The following LRRC49 variants were observed in gnomAD, a reference collection of about 807,000 sequenced individuals.
The protein encoded by LRRC49 is leucine-rich repeat-containing protein 49.
In LRRC49, 50 loss-of-function variants were observed where a neutral mutation model predicts 83.3. The observed-to-expected ratio is 0.60, with a 90% CI of 0.48 to 0.76. LRRC49 has a LOEUF of 0.76. Ranked by LOEUF, LRRC49 falls within the 30% of genes least tolerant of loss-of-function variation. The pLI, the probability that LRRC49 is intolerant of heterozygous loss-of-function variation, is 0.00. For synonymous variants in LRRC49, 286 were observed against 283.3 expected (o/e 1.01, Z -0.10); for missense variants, 704 against 809.1 (o/e 0.87, Z 1.58).
chr15:70,885,253 A>G (rs1412611877), intron 2 of LRRC49, among the ~76,000 whole-genome samples: 2 of 152,218 alleles, frequency 1.3e-5, no homozygotes, highest in Non-Finnish European at 2.9e-5. Context: ...AGAAAATGTC[A>G]TAACAGACAT....
At chr15:71,041,201 G>A (rs2039691063) in intron 15 of LRRC49, among the ~76,000 whole-genome samples, 1 of 152,152 alleles carries the variant, frequency 6.6e-6, no homozygotes, top group African/African-American at 2.4e-5. Flanking sequence ...CAAGTTTGAG[G>A]TAATTTGTTA....
At chr15:71,030,096 T>A (rs1263619615) in intron 14 of LRRC49, among the ~76,000 whole-genome samples, 1 of 152,242 alleles carries the variant, frequency 6.6e-6, no homozygotes, top group Non-Finnish European at 1.5e-5. Context: ...CATTAGTTGA[T>A]GCAGTTTCTA....
chr15:70,881,726 G>T (rs916544606), intron 2 of LRRC49: 3 of 152,122 alleles, frequency 2.0e-5, no homozygotes, highest in African/African-American at 7.2e-5. Flanking sequence ...TAGAAATGTA[G>T]TACTTTTATT....
At chr15:70,856,246 T>A (rs2032651298) in intron 1 of LRRC49, among the ~76,000 whole-genome samples, 1 of 152,142 alleles carries the variant, frequency 6.6e-6, no homozygotes, top group African/African-American at 2.4e-5. Flanking sequence ...GGTGAGAGTT[T>A]TGAAAAAAAG....
Position 70,984,079 on chromosome 15 carries a change from T to C in LRRC49, c.1006-15T>C. 6.2e-7 allele frequency: 1 copy of C among 1,610,180 alleles called. No homozygotes were observed. Among genetic ancestry groups the C allele is most frequent in the Non-Finnish European group, 8.5e-7 (1 of 1,177,612 alleles). On this transcript the variant is annotated splice_polypyrimidine_tract_variant and intron_variant, in intron 10 of 15. Transcript: ENST00000260382. ...TTGCATTATATAACTTTTGTCACAA[T>C]TAACTTTTTCATAGGAGAAGAAAAG... is the stretch of plus-strand genomic sequence containing the variant.
rs1013324991 is a variant in LRRC49 at position 71,028,964 on chromosome 15, T to G, written c.1704-8215T>G. ...ATCTCCTTCATTTCTGCTCTGATAT[T>G]TGTTATTTCTTGTCTTCTGCTAGTT... On this transcript the variant is annotated intron_variant, in intron 14 of 15. Transcript: ENST00000260382. 3.3e-5 allele frequency among the ~76,000 whole-genome samples: 5 copies of G among 152,202 alleles called. No homozygotes were observed. In the East Asian group the frequency reaches 9.6e-4, roughly 29 times the overall value.
intron 1 of LRRC49, chr15:70,893,208 T>A (rs1001164898): frequency 1.7e-6 from 1 of 585,984 alleles, no homozygotes. Context: ...TAAATTCCTT[T>A]GGCCAGTCAA....
chr15:70,871,561 G>A (rs1366293343), intron 1 of LRRC49, among the ~76,000 whole-genome samples: 4 of 151,424 alleles, frequency 2.6e-5, no homozygotes, highest in Non-Finnish European at 4.4e-5. Context: ...CCCGAACGGC[G>A]CGGCTGGCCG....
chr15:70,901,986 C>T (rs936917920), intron 4 of LRRC49, among the ~76,000 whole-genome samples: 4 of 152,106 alleles, frequency 2.6e-5, no homozygotes, highest in Non-Finnish European at 5.9e-5. Flanking sequence ...CAGTGCACAC[C>T]TGACAACAAA....
intron 1 of LRRC49, among the ~76,000 whole-genome samples, chr15:70,857,643 T>C (rs576328491): frequency 1.3e-5 from 2 of 152,290 alleles, no homozygotes; most frequent in Admixed American, 1.3e-4. Flanking sequence ...GATCCATGAA[T>C]ACCAAGAGAT....
upstream of LRRC49, among the ~76,000 whole-genome samples, chr15:70,888,153 G>A (rs373119406): frequency 1.1e-4 from 15 of 142,526 alleles, no homozygotes; most frequent in African/African-American, 3.4e-4. Flanking sequence ...CAAAATCCTC[G>A]TGAGTAACTT....
intron 11 of LRRC49, among the ~76,000 whole-genome samples, chr15:71,002,939 CTTTTTT>C (rs35998597): frequency 3.0e-4 from 13 of 43,036 alleles, no homozygotes; most frequent in South Asian, 1.4e-3. Context: ...ATTTTCTGGC[CTTTTTT>C]TTTTTTTTTT....
At chr15:70,991,511 C>G (rs1039776772) in intron 11 of LRRC49, among the ~76,000 whole-genome samples, 4 of 152,118 alleles carry the variant, frequency 2.6e-5, no homozygotes, top group Non-Finnish European at 5.9e-5. Context: ...AATACAGTGC[C>G]TACACATCAC....
intron 8 of LRRC49, among the ~76,000 whole-genome samples, chr15:70,944,913 A>G (rs1461868272): frequency 6.6e-6 from 1 of 152,006 alleles, no homozygotes; most frequent in Non-Finnish European, 1.5e-5. Flanking sequence ...TCTTCACTCT[A>G]TTTGGTTGGA....
intron 13 of LRRC49, among the ~76,000 whole-genome samples, chr15:71,010,230 C>A (rs778013293): frequency 4.6e-5 from 7 of 151,776 alleles, no homozygotes; most frequent in Non-Finnish European, 1.0e-4. Context: ...AATACTTATA[C>A]TGTTGTTTGT....
chr15:70,946,049 CAT>C (rs796386369), intron 8 of LRRC49, among the ~76,000 whole-genome samples: 3 of 152,208 alleles, frequency 2.0e-5, no homozygotes, highest in African/African-American at 7.2e-5. Flanking sequence ...AACCAATTAA[CAT>C]ATATGTTACC....
At chr15:71,011,662 A>G (rs2038655070) in intron 13 of LRRC49, among the ~76,000 whole-genome samples, 1 of 152,162 alleles carries the variant, frequency 6.6e-6, no homozygotes, top group African/African-American at 2.4e-5. Context: ...AATAGCATCA[A>G]GAAAACATGG....
chr15:71,022,809 G>T (rs998938654), intron 14 of LRRC49, among the ~76,000 whole-genome samples: 3 of 152,124 alleles, frequency 2.0e-5, no homozygotes, highest in Non-Finnish European at 4.4e-5. Flanking sequence ...TGATAAATTT[G>T]ACCTAATTAC....
upstream of LRRC49, among the ~76,000 whole-genome samples, chr15:70,891,175 C>T (rs1284495190): frequency 6.6e-6 from 1 of 151,968 alleles, no homozygotes; most frequent in Non-Finnish European, 1.5e-5. Flanking sequence ...TAAAATGGTA[C>T]GTGGGGAAGA....
Sources: gnomAD v4.1 joint callset for allele counts (sites outside exome capture counted in the v4.1 genomes callset) on GRCh38, gnomAD v4.1.1 for gene constraint, MANE v1.5 for transcripts, NCBI Gene and HGNC (gene_info 2026-07-23, HGNC 2026-07-21) for gene names.